The following ZNF85 variants were observed in gnomAD, a reference collection of about 807,000 sequenced individuals.
ZNF85 encodes the protein zinc finger protein 85 (HPF4, HTF1).
In ZNF85, 50 loss-of-function variants were observed where a neutral mutation model predicts 53.9. The ratio of observed to expected loss-of-function variants is 0.93; its 90% CI spans 0.74 to 1.17. The LOEUF (loss-of-function observed/expected upper bound fraction) is 1.17. Ranked by LOEUF, ZNF85 falls within the 50% of genes most tolerant of loss-of-function variation. ZNF85 has a pLI of 0.00. For synonymous variants in ZNF85, 225 were observed against 226.1 expected (o/e 1.00, Z 0.04); for missense variants, 747 against 688.5 (o/e 1.08, Z -0.95).
At chr19:20,933,751 A>T (rs533710646) in intron 1 of ZNF85, among the ~76,000 whole-genome samples, 3 of 152,322 alleles carry the variant, frequency 2.0e-5, no homozygotes, top group African/African-American at 7.2e-5. Context: ...ATCATCCAGA[A>T]AAGTATCATG....
intron 1 of ZNF85, among the ~76,000 whole-genome samples, chr19:20,929,847 G>T (rs925234677): frequency 2.0e-5 from 3 of 152,140 alleles, no homozygotes. Flanking sequence ...TGGGCCAGGC[G>T]TGGTGGCTTA....
chr19:20,934,182 A>G (rs1245628126), intron 2 of ZNF85, 32 bp downstream of exon 2: 1 of 1,602,246 alleles, frequency 6.2e-7, no homozygotes, highest in Non-Finnish European at 8.5e-7. Context: ...AATTTCTAAT[A>G]TGCCCTAAAG....
At chr19:20,924,996 A>T (rs977115847) in intron 1 of ZNF85, among the ~76,000 whole-genome samples, 1 of 152,100 alleles carries the variant, frequency 6.6e-6, no homozygotes, top group Admixed American at 6.6e-5. Flanking sequence ...CATTGTGGCT[A>T]TGTTGGCTAG....
Position 20,950,427 on chromosome 19 carries a change from TA to T in ZNF85, c.*127del. Reference sequence around the variant, plus strand: ...TGACAACACCTCAGACTTATAAAAGTAATCATACTGGTGAGAAATTCTAAAA... The same window carrying T: ...TGACAACACCTCAGACTTATAAAAGTATCATACTGGTGAGAAATTCTAAAA... On this transcript the variant is annotated 3_prime_UTR_variant, in exon 4 of 4. Transcript: ENST00000328178. The T allele has an allele frequency of 1.5e-6, 1 of 647,332 alleles. No homozygotes were observed. Among genetic ancestry groups the T allele is most frequent in the Non-Finnish European group, 2.5e-6 (1 of 405,886 alleles). 40.1% of individuals were successfully genotyped at this position (647,332 alleles called of 1,614,324 possible).
At chr19:20,923,497 A>G (rs1027753212) in intron 1 of ZNF85, 94 bp downstream of exon 1, 2 of 1,592,724 alleles carry the variant, frequency 1.3e-6, no homozygotes, top group African/African-American at 1.3e-5. Context: ...CCCTGTAGTC[A>G]GCTCCACAAT....
chr19:20,948,680 A>G (rs764359016), intron 3 of ZNF85, 64 bp from the exon 4 acceptor site: 58 of 1,253,780 alleles, frequency 4.6e-5, no homozygotes, highest in Admixed American at 1.2e-4. Context: ...TATATATTAC[A>G]TTTGTAAACT....
Position 20,949,368 on chromosome 19 carries a change from C to A in ZNF85, c.854C>A (p.Pro285His). Residue 285 changes from proline (P) to histidine (H), a missense_variant, in exon 4 of 4, where the codon CCC becomes CAC. Physicochemically the swap from Pro to His is moderately conservative, Grantham distance 77. Coordinates refer to ENST00000328178, the MANE Select transcript of ZNF85 (RefSeq NM_003429.5). ...AAGATAATTCATACTGGAGAGAAAC[C>A]CTACAAATGTAAAGAATGTGGTAAA... ...THKIIHTGEK[P>H]YKCKECGKAF... 6.2e-7 allele frequency: 1 copy of A among 1,609,372 alleles called. No individual in the cohort carries two copies.
At chr19:20,933,627 G>A (rs1358167319) in intron 1 of ZNF85, among the ~76,000 whole-genome samples, 1 of 152,040 alleles carries the variant, frequency 6.6e-6, no homozygotes, top group Non-Finnish European at 1.5e-5. Flanking sequence ...AATTTAAAAA[G>A]TACCTTCTAA....
At chr19:20,947,656 A>G (rs778700378) in intron 3 of ZNF85, among the ~76,000 whole-genome samples, 17 of 151,376 alleles carry the variant, frequency 1.1e-4, no homozygotes, top group South Asian at 6.2e-4. Flanking sequence ...AGGATTTTCT[A>G]CTTTGTGACT....
At chr19:20,924,111 G>A (rs1972826437) in intron 1 of ZNF85, among the ~76,000 whole-genome samples, 1 of 151,612 alleles carries the variant, frequency 6.6e-6, no homozygotes, top group Admixed American at 6.6e-5. Context: ...AGATGTATAG[G>A]AGTCACCGCA....
chr19:20,924,090 A>T (rs1972825961), intron 1 of ZNF85, among the ~76,000 whole-genome samples: 1 of 151,992 alleles, frequency 6.6e-6, no homozygotes, highest in Non-Finnish European at 1.5e-5. Context: ...CGTCTCAAAA[A>T]AAAAAAAAAA....
intron 1 of ZNF85, among the ~76,000 whole-genome samples, chr19:20,933,012 C>A (rs537741283): frequency 6.7e-6 from 1 of 148,672 alleles, no homozygotes; most frequent in Non-Finnish European, 1.5e-5. Flanking sequence ...GGTGAAACCC[C>A]GTCTCTACTA....
At chr19:20,925,455 CAAA>C (rs71174767) in intron 1 of ZNF85, among the ~76,000 whole-genome samples, 1 of 97,204 alleles carries the variant, frequency 1.0e-5, no homozygotes, top group Admixed American at 1.2e-4. Flanking sequence ...AGACTGTATA[CAAA>C]AAAAAAAAAA....
At chr19:20,928,773 C>T in intron 1 of ZNF85, 1 of 150,976 alleles carries the variant, frequency 6.6e-6, no homozygotes, top group Non-Finnish European at 1.5e-5. Flanking sequence ...TCTGCCTGCA[C>T]AGGCACAAAT....
chr19:20,946,373 C>T (rs1406219986), intron 3 of ZNF85: 1 of 413,852 alleles, frequency 2.4e-6, no homozygotes, highest in Non-Finnish European at 4.8e-6. Context: ...GGAGTGTTCT[C>T]TATGCCTCTG....
intron 3 of ZNF85, chr19:20,936,648 A>C (rs1016469076): frequency 3.8e-5 from 6 of 158,292 alleles, no homozygotes; most frequent in Non-Finnish European, 8.2e-5. Context: ...GGAGGGAGCA[A>C]CTTGTGGATG....
chr19:20,940,547 AT>A (rs1479628909), intron 3 of ZNF85, among the ~76,000 whole-genome samples: 2 of 151,992 alleles, frequency 1.3e-5, no homozygotes, highest in African/African-American at 4.8e-5. Flanking sequence ...CAAAAAAAAA[AT>A]AGCTTTATAT....
chr19:20,944,416 A>G (rs1031459502), intron 3 of ZNF85: 1 of 150,540 alleles, frequency 6.6e-6, no homozygotes, highest in African/African-American at 2.4e-5. Flanking sequence ...CTCACCTTTT[A>G]TTTTGAAAAG....
intron 3 of ZNF85, among the ~76,000 whole-genome samples, chr19:20,939,809 T>A (rs758531173): frequency 5.3e-5 from 8 of 151,928 alleles, no homozygotes; most frequent in African/African-American, 9.7e-5. Context: ...GCGATTCTCT[T>A]GCCTCAGCCT....
Sources: gnomAD v4.1 joint callset for allele counts (sites outside exome capture counted in the v4.1 genomes callset) on GRCh38, gnomAD v4.1.1 for gene constraint, MANE v1.5 for transcripts, NCBI Gene and HGNC (gene_info 2026-07-23, HGNC 2026-07-21) for gene names.